ZMPSTE24: variants seen among roughly 807,000 people sequenced by gnomAD.
The protein encoded by ZMPSTE24 is zinc metallopeptidase STE24.
In ZMPSTE24, 48 loss-of-function variants were observed where a neutral mutation model predicts 56.7. That is an observed-to-expected ratio of 0.85 (90% CI 0.67 to 1.08). The LOEUF is 1.08. Among genes scored for constraint, ZMPSTE24 ranks in the 50% least tolerant of loss-of-function variants. ZMPSTE24 has a pLI of 0.00. For synonymous variants in ZMPSTE24, 172 were observed against 195.2 expected, an observed-to-expected ratio of 0.88 and a Z score of 0.99; for missense variants, 503 against 548.7, an observed-to-expected ratio of 0.92 and a Z score of 0.83.
chr1:40,258,802 C>G (rs1557771711), intron 1 of ZMPSTE24, among the ~76,000 whole-genome samples: 2 of 152,126 alleles, frequency 1.3e-5, no homozygotes, highest in South Asian at 2.1e-4. Flanking sequence ...CAAGAACTTG[C>G]ACTCTTGTTT....
chr1:40,266,179 G>A (rs1016901464), intron 2 of ZMPSTE24, among the ~76,000 whole-genome samples: 1 of 152,142 alleles, frequency 6.6e-6, no homozygotes, highest in Non-Finnish European at 1.5e-5. Context: ...GTAGATACAT[G>A]TATGAAAATG....
chr1:40,268,813 C>T (rs1179662945), intron 4 of ZMPSTE24, among the ~76,000 whole-genome samples: 1 of 152,022 alleles, frequency 6.6e-6, no homozygotes, highest in Non-Finnish European at 1.5e-5. Context: ...CCCAGTGGCT[C>T]ATGCCTGTAA....
Position 40,292,657 on chromosome 1 carries a change from G to T in ZMPSTE24, c.1416G>T (p.Met472Ile), listed in dbSNP as rs763989458. The T allele has an allele frequency of 7.4e-6, 12 of 1,613,602 alleles. No homozygotes were observed. The highest frequency in any genetic ancestry group is 1.3e-5 in the African/African-American group (1 of 74,926). Reference protein sequence around the residue: ...LLERLQALKTMKQH With the variant: ...LLERLQALKTIKQH Reference sequence around the variant, plus strand: ...AGAGACTTCAAGCTTTGAAAACTATGAAGCAACACTGAGATGTCCAGGATC... The same window carrying T: ...AGAGACTTCAAGCTTTGAAAACTATTAAGCAACACTGAGATGTCCAGGATC... The change falls in exon 10 of 10, where the codon ATG (methionine) becomes ATT (isoleucine). Residue 472 changes from methionine to isoleucine, a missense_variant. Coordinates refer to ENST00000372759, the MANE Select transcript of ZMPSTE24 (RefSeq NM_005857.5).
At chr1:40,278,558 A>C (rs1643694848) in intron 6 of ZMPSTE24, among the ~76,000 whole-genome samples, 1 of 87,744 alleles carries the variant, frequency 1.1e-5, no homozygotes, top group African/African-American at 4.6e-5. Context: ...ACTCCGTCTC[A>C]AAAAAAAAAA....
Position 40,268,480 on chromosome 1 carries a change from C to T in ZMPSTE24, c.419C>T (p.Pro140Leu). 1 of 1,613,076 alleles carries T rather than the reference C, an allele frequency of 6.2e-7. No homozygotes were observed. The highest frequency in any genetic ancestry group is 8.5e-7 in the Non-Finnish European group (1 of 1,179,948). Residue 140 changes from proline (P) to leucine (L), a missense_variant, in exon 4 of 10, where the codon CCA (proline) becomes CTA (leucine). Physicochemically the swap from Pro to Leu is moderately conservative, Grantham distance 98. Transcript: ENST00000372759. ...ATLFSALTGL[P>L]WSLYNTFVIE... ...CTTTTCAGTGCATTGACTGGTTTGC[C>T]ATGGAGTCTTTATAATACTTTTGTG...
chr1:40,292,438 T>G lies in ZMPSTE24; in HGVS notation c.1204-7T>G. 6.2e-7 allele frequency: 1 copy of G among 1,613,202 alleles called. No individual in the cohort carries two copies. Among genetic ancestry groups the G allele is most frequent in the Non-Finnish European group, 8.5e-7 (1 of 1,179,854 alleles). On this transcript the variant is annotated splice_region_variant and splice_polypyrimidine_tract_variant and intron_variant, in intron 9 of 9. Coordinates refer to ENST00000372759, the MANE Select transcript of ZMPSTE24 (RefSeq NM_005857.5). ...AGTGGCTAAAACCCTTTCATTTTCT[T>G]TTTCAGGTTCTTTCTTTTTGCCTAA...
At chr1:40,286,092 A>C (rs1643784831) in intron 8 of ZMPSTE24, 63 bp downstream of exon 8, 1 of 1,428,210 alleles carries the variant, frequency 7.0e-7, no homozygotes, top group Non-Finnish European at 9.8e-7. Context: ...TATGGCAGGC[A>C]TGAGAGGTCA....
chr1:40,273,582 G>A (rs1471538276), intron 6 of ZMPSTE24, among the ~76,000 whole-genome samples: 1 of 111,820 alleles, frequency 8.9e-6, no homozygotes, highest in African/African-American at 3.4e-5. Context: ...CAGACATTTA[G>A]TGGCTCCTGA....
intron 6 of ZMPSTE24, among the ~76,000 whole-genome samples, chr1:40,276,471 G>A (rs1239402306): frequency 6.6e-6 from 1 of 152,178 alleles, no homozygotes; most frequent in African/African-American, 2.4e-5. Context: ...CGTGTTTTAA[G>A]GAGAAAGTGG....
At chr1:40,285,779 A>G in intron 7 of ZMPSTE24, 146 bp from the exon 8 acceptor site, 1 of 632,736 alleles carries the variant, frequency 1.6e-6, no homozygotes, top group Non-Finnish European at 2.7e-6. Context: ...GCAGTGGTTC[A>G]GGGAATGTTT....
intron 1 of ZMPSTE24, chr1:40,259,323 A>T (rs1314019431): frequency 1.3e-5 from 2 of 152,022 alleles, no homozygotes. Context: ...ATTTATTTTT[A>T]ATCTTTATTT....
intron 2 of ZMPSTE24, among the ~76,000 whole-genome samples, chr1:40,267,431 CA>C (rs1208821665): frequency 6.7e-6 from 1 of 149,238 alleles, no homozygotes; most frequent in African/African-American, 2.4e-5. Flanking sequence ...GTGTCACAAT[CA>C]CGGCTCACTG....
intron 8 of ZMPSTE24, among the ~76,000 whole-genome samples, chr1:40,289,682 G>A (rs973307852): frequency 1.3e-5 from 2 of 152,162 alleles, no homozygotes; most frequent in Admixed American, 6.5e-5. Flanking sequence ...CACAGAAAAA[G>A]AATGTTGTGT....
intron 4 of ZMPSTE24, among the ~76,000 whole-genome samples, chr1:40,268,748 G>A (rs2124581161): frequency 6.6e-6 from 1 of 152,182 alleles, no homozygotes; most frequent in Non-Finnish European, 1.5e-5. Flanking sequence ...AAGGCTACAT[G>A]TTCGAGGCCA....
chr1:40,262,669 G>T, intron 2 of ZMPSTE24: 1 of 238,960 alleles, frequency 4.2e-6, no homozygotes, highest in Non-Finnish European at 7.5e-6. Flanking sequence ...GATCTTAAAT[G>T]TATCATTCTC....
At chr1:40,281,583 ACAAC>A in intron 7 of ZMPSTE24, 56 bp downstream of exon 7, 1 of 1,549,408 alleles carries the variant, frequency 6.5e-7, no homozygotes, top group Non-Finnish European at 8.8e-7. Context: ...AGTTCCTGTG[ACAAC>A]TCAAAATAAC....
intron 6 of ZMPSTE24, among the ~76,000 whole-genome samples, chr1:40,278,055 G>A (rs6600323): frequency 0.52 from 78,763 of 150,756 alleles, 21,916 homozygotes; most frequent in African/African-American, 0.72. Flanking sequence ...GACAAAATAA[G>A]CAAACATGTT....
intron 6 of ZMPSTE24, among the ~76,000 whole-genome samples, chr1:40,280,156 C>T (rs1388520064): frequency 6.6e-6 from 1 of 152,138 alleles, no homozygotes; most frequent in African/African-American, 2.4e-5. Flanking sequence ...GAATGGTCGA[C>T]ATTGAGTTCT....
Position 40,272,041 on chromosome 1 carries a change from G to C in ZMPSTE24, c.769+6G>C. On this transcript the variant is annotated splice_donor_region_variant and intron_variant, in intron 6 of 9. Coordinates refer to ENST00000372759, the MANE Select transcript of ZMPSTE24 (RefSeq NM_005857.5). ...GAAGGTGTATGTTGTGGAAGGTAAGGCTACCTGGGGATAAGAAAGTTTTAT... is the reference window on the plus strand; with the variant it reads ...GAAGGTGTATGTTGTGGAAGGTAAGCCTACCTGGGGATAAGAAAGTTTTAT... The C allele has an allele frequency of 1.3e-6, 2 of 1,593,512 alleles. No individual in the cohort carries two copies. Among genetic ancestry groups the C allele is most frequent in the Non-Finnish European group, 1.7e-6 (2 of 1,169,778 alleles).
Sources: gnomAD v4.1 joint callset for allele counts (sites outside exome capture counted in the v4.1 genomes callset) on GRCh38, gnomAD v4.1.1 for gene constraint, MANE v1.5 for transcripts, NCBI Gene and HGNC (gene_info 2026-07-23, HGNC 2026-07-21) for gene names.